Variants in AMOTL1 observed in about 807,000 individuals in gnomAD.
AMOTL1 encodes angiomotin like 1.
In AMOTL1, 45 loss-of-function variants were observed where a neutral mutation model predicts 102.9. The ratio of observed to expected loss-of-function variants is 0.44; its 90% confidence interval spans 0.34 to 0.56. AMOTL1 has a LOEUF of 0.56. Among genes scored for constraint, AMOTL1 ranks in the 20% least tolerant of loss-of-function variants. AMOTL1 has a pLI of 0.01. For synonymous variants in AMOTL1, 481 were observed against 484.7 expected (o/e 0.99, Z 0.10); for missense variants, 1,114 against 1,225.6 (o/e 0.91, Z 1.36).
At chr11:94,722,453 C>T (rs1362466953) in intron 1 of AMOTL1, among the ~76,000 whole-genome samples, 1 of 152,130 alleles carries the variant, frequency 6.6e-6, no homozygotes. Flanking sequence ...AGGATCTGTA[C>T]TAGGTAAATT....
At chr11:94,829,177 G>A (rs968828302) in intron 4 of AMOTL1, among the ~76,000 whole-genome samples, 2 of 149,336 alleles carry the variant, frequency 1.3e-5, no homozygotes, top group African/African-American at 4.9e-5. Flanking sequence ...TAAAGAGATT[G>A]TCTGTGATAT....
intron 3 of AMOTL1, among the ~76,000 whole-genome samples, chr11:94,818,306 A>G (rs1344008200): frequency 6.6e-6 from 1 of 152,202 alleles, no homozygotes; most frequent in Non-Finnish European, 1.5e-5. Flanking sequence ...TAAGTAAAGA[A>G]TGTCACTTTC....
At chr11:94,852,261 T>C (rs991199521) in intron 7 of AMOTL1, among the ~76,000 whole-genome samples, 1 of 152,224 alleles carries the variant, frequency 6.6e-6, no homozygotes, top group African/African-American at 2.4e-5. Context: ...AAAGTTGCTC[T>C]CTCCTCCTTG....
At position 94,875,524 on chromosome 11, in the gene AMOTL1, A is replaced by G. The variant is rs560277020; in HGVS notation, c.*4729A>G. 1 of 152,328 alleles carries G rather than the reference A, an allele frequency of 6.6e-6. No individual in the cohort carries two copies. Among genetic ancestry groups the G allele is most frequent in the South Asian group, 2.1e-4 (1 of 4,826 alleles). 9.4% of individuals were successfully genotyped at this position (152,328 alleles called of 1,614,324 possible). ...TTGGGAGACTATGTGCTCATTGACT[A>G]TAGTGCTGCCAAGTAAAAATATCTT... On this transcript the variant is annotated 3_prime_UTR_variant, in exon 13 of 13. Transcript: ENST00000433060.
At chr11:94,856,401 A>C (rs956598054) in intron 8 of AMOTL1, among the ~76,000 whole-genome samples, 12 of 152,026 alleles carry the variant, frequency 7.9e-5, no homozygotes, top group African/African-American at 2.9e-4. Context: ...TGTGGCAGAT[A>C]CTGTGTAAAG....
chr11:94,787,517 G>A (rs1469146889), intron 1 of AMOTL1, among the ~76,000 whole-genome samples: 1 of 151,492 alleles, frequency 6.6e-6, no homozygotes, highest in African/African-American at 2.4e-5. Context: ...GTGAAACCCC[G>A]TCTTTACTAA....
At chr11:94,824,420 G>A (rs927235741) in intron 4 of AMOTL1, among the ~76,000 whole-genome samples, 2 of 152,174 alleles carry the variant, frequency 1.3e-5, no homozygotes, top group African/African-American at 4.8e-5. Flanking sequence ...AGGACTTACT[G>A]TACTACATTA....
chr11:94,756,822 C>T (rs1467766951), intron 3 of AMOTL1, among the ~76,000 whole-genome samples: 1 of 152,174 alleles, frequency 6.6e-6, no homozygotes, highest in East Asian at 1.9e-4. Context: ...AAATTTGGCA[C>T]TGAGACATGA....
At chr11:94,763,353 A>G (rs767918652) in intron 3 of AMOTL1, among the ~76,000 whole-genome samples, 2 of 152,168 alleles carry the variant, frequency 1.3e-5, no homozygotes, top group Non-Finnish European at 2.9e-5. Flanking sequence ...GCTCCTGCCA[A>G]CAGTTTGCAG....
chr11:94,747,402 C>G (rs976626461), intron 3 of AMOTL1, among the ~76,000 whole-genome samples: 1 of 152,138 alleles, frequency 6.6e-6, no homozygotes, highest in Non-Finnish European at 1.5e-5. Flanking sequence ...TGGGAGCCAC[C>G]AGGGCTAACT....
chr11:94,845,919 A>G (rs1251355372), intron 6 of AMOTL1, among the ~76,000 whole-genome samples: 2 of 152,208 alleles, frequency 1.3e-5, no homozygotes, highest in Non-Finnish European at 2.9e-5. Flanking sequence ...AATTCTCAGT[A>G]TATATATTGG....
chr11:94,859,262 G>C (rs1295518730), intron 8 of AMOTL1, among the ~76,000 whole-genome samples: 1 of 152,156 alleles, frequency 6.6e-6, no homozygotes, highest in Non-Finnish European at 1.5e-5. Flanking sequence ...TTTGAATCCT[G>C]ACCCTACTAC....
intron 1 of AMOTL1, among the ~76,000 whole-genome samples, chr11:94,777,150 G>A (rs1169129553): frequency 1.3e-5 from 2 of 152,146 alleles, no homozygotes; most frequent in East Asian, 3.8e-4. Flanking sequence ...TAAGACACCT[G>A]GGAAAGTAAT....
At position 94,866,004 on chromosome 11, in the gene AMOTL1, G is replaced by A. The variant is rs1952874944; in HGVS notation, c.2324G>A (p.Arg775Gln). The A allele has an allele frequency of 6.2e-7, 1 of 1,613,810 alleles. No individual in the cohort carries two copies. ...KDAMIKVLQQ[R>Q]SRKDAGKTDS... ...GCTATGATTAAGGTCCTGCAGCAGC[G>A]ATCTCGTAAAGATGCCGGGAAGACA... The change falls in exon 11 of 13, where the codon CGA becomes CAA. Residue 775 changes from arginine to glutamine, a missense_variant. Physicochemically the swap from Arg to Gln is conservative, Grantham distance 43. Transcript: ENST00000433060.
In AMOTL1 at chr11:94,707,061, G is replaced by C. The variant is rs1949940162; in HGVS notation, c.-51+464G>C. On this transcript the variant is annotated intron_variant, in intron 1 of 4. Coordinates refer to the AMOTL1 transcript ENST00000299004. ...TGTGAATGCTTCCCTTCTTTCTCAG[G>C]AGTGTAGCAGGAAAAAAAGGGGCCC... Among the ~76,000 whole-genome samples the C allele has an allele frequency of 1.3e-5, 2 of 152,034 alleles. 1 individual carries two copies. The highest frequency in any genetic ancestry group is 4.1e-4 in the South Asian group (2 of 4,820).
intron 3 of AMOTL1, among the ~76,000 whole-genome samples, chr11:94,753,855 C>T (rs556245957): frequency 6.6e-6 from 1 of 152,332 alleles, no homozygotes; most frequent in South Asian, 2.1e-4. Flanking sequence ...CCACACACTG[C>T]AAGCTAGGCT....
intron 1 of AMOTL1, among the ~76,000 whole-genome samples, chr11:94,717,591 A>G (rs1950115894): frequency 6.6e-6 from 1 of 151,978 alleles, no homozygotes; most frequent in Non-Finnish European, 1.5e-5. Flanking sequence ...ATTAAGCAAT[A>G]AAAAGAATTT....
At chr11:94,835,900 A>G (rs1056444424) in intron 6 of AMOTL1, among the ~76,000 whole-genome samples, 7 of 152,242 alleles carry the variant, frequency 4.6e-5, no homozygotes, top group African/African-American at 1.7e-4. Context: ...GATTTCCCTT[A>G]AAATTCTTGC....
intron 6 of AMOTL1, among the ~76,000 whole-genome samples, chr11:94,847,483 CCAAA>C (rs920631034): frequency 2.0e-5 from 3 of 152,098 alleles, no homozygotes; most frequent in African/African-American, 7.2e-5. Context: ...TCAATAATAA[CCAAA>C]CAAAGTCCTT....
Sources: gnomAD v4.1 joint callset for allele counts (sites outside exome capture counted in the v4.1 genomes callset) on GRCh38, gnomAD v4.1.1 for gene constraint, MANE v1.5 for transcripts, NCBI Gene and HGNC (gene_info 2026-07-23, HGNC 2026-07-21) for gene names.